EPG5: variants seen among roughly 807,000 people sequenced by gnomAD.
The protein encoded by EPG5 is ectopic P granules protein 5 homolog.
A neutral mutation model predicts 302.7 loss-of-function variants in EPG5; 159 were observed. That is an observed-to-expected ratio of 0.53 (90% confidence interval 0.46 to 0.60). The LOEUF (loss-of-function observed/expected upper bound fraction) is 0.60. Among genes scored for constraint, EPG5 ranks in the 20% least tolerant of loss-of-function variants. The pLI is 0.00. For synonymous variants in EPG5, 1,158 were observed against 1,136.8 expected (o/e 1.02, Z -0.37); for missense variants, 2,896 against 3,092.4 (o/e 0.94, Z 1.51).
intron 16 of EPG5, among the ~76,000 whole-genome samples, chr18:45,920,318 G>C (rs1032526446): frequency 5.9e-5 from 9 of 152,318 alleles, no homozygotes; most frequent in African/African-American, 2.2e-4. Context: ...TGTTCAGAAT[G>C]TACAGGGGCT....
rs574379244 is a variant in EPG5 at position 45,890,982 on chromosome 18, T to A, written c.4810-1042A>T. On this transcript the variant is annotated intron_variant, in intron 27 of 43. Coordinates refer to ENST00000282041, the MANE Select transcript of EPG5 (RefSeq NM_020964.3). ...GACCATAACATTTAGAAGGCAAGAGTTCTAAACTCTACATTCTCCTCCTGT... is the reference window on the plus strand; with the variant it reads ...GACCATAACATTTAGAAGGCAAGAGATCTAAACTCTACATTCTCCTCCTGT... Among the ~76,000 whole-genome samples, 5 of 151,824 alleles carry A rather than the reference T, an allele frequency of 3.3e-5. No individual in the cohort carries two copies. The South Asian group carries it at 1.0e-3, about 32-fold the overall frequency.
In EPG5 at chr18:45,849,775, G is replaced by C. The variant is rs2145127929; in HGVS notation, c.*2692C>G. The C allele has an allele frequency of 6.6e-6, 1 of 152,456 alleles. No homozygotes were observed. Among genetic ancestry groups the C allele is most frequent in the East Asian group, 1.9e-4 (1 of 5,188 alleles). 9.4% of individuals were successfully genotyped at this position (152,456 alleles called of 1,614,324 possible). A position where few individuals can be genotyped will look rare whatever the true frequency, so the allele number is the denominator to read the frequency against. On this transcript the variant is annotated 3_prime_UTR_variant, in exon 44 of 44. Transcript: ENST00000282041. ...AGCCAACAAAGGATGGTGAGACTGA[G>C]AAATGAGTCACGCCTTGGAGCTGAG...
chr18:45,862,744 C>A (rs2048662984), intron 39 of EPG5, among the ~76,000 whole-genome samples: 1 of 152,206 alleles, frequency 6.6e-6, no homozygotes, highest in Non-Finnish European at 1.5e-5. Context: ...TCCTGTACAG[C>A]CTCCAGAACC....
At chr18:45,903,487 T>C (rs576707123) in intron 25 of EPG5, among the ~76,000 whole-genome samples, 1 of 152,204 alleles carries the variant, frequency 6.6e-6, no homozygotes, top group Non-Finnish European at 1.5e-5. Flanking sequence ...ACACTATATA[T>C]TGTAATAAAT....
the EPG5 span, among the ~76,000 whole-genome samples, chr18:45,826,278 G>C: frequency 6.6e-6 from 1 of 152,166 alleles, no homozygotes; most frequent in African/African-American, 2.4e-5. Context: ...AGGAATCCCA[G>C]TGGGTGAGTG....
At chr18:45,935,309 G>A (rs1176091742) in intron 10 of EPG5, among the ~76,000 whole-genome samples, 5 of 152,190 alleles carry the variant, frequency 3.3e-5, no homozygotes, top group South Asian at 4.1e-4. Flanking sequence ...TTAGGAGGCC[G>A]AGGCAGGTGG....
chr18:45,870,544 G>C (rs747994809), intron 36 of EPG5, 23 bp downstream of exon 36: 3 of 1,607,122 alleles, frequency 1.9e-6, no homozygotes, highest in Non-Finnish European at 2.6e-6. Context: ...TCTAGGCTGC[G>C]ATGCCGGGAA....
At position 45,878,359 on chromosome 18, in the gene EPG5, T is replaced by C. The variant is rs1330173167; in HGVS notation, c.5942+17A>G. On this transcript the variant is annotated intron_variant, in intron 34 of 43. Coordinates refer to ENST00000282041, the MANE Select transcript of EPG5 (RefSeq NM_020964.3). ...TACAAACGTCAAAGGAATTTGAATA[T>C]CTAAAAAACTGTTTACCTTTCGTTG... 1.3e-6 allele frequency: 2 copies of C among 1,541,938 alleles called. No individual in the cohort carries two copies. The highest frequency in any genetic ancestry group is 1.8e-6 in the Non-Finnish European group (2 of 1,115,664).
At chr18:45,933,867 T>G (rs748318600) in intron 11 of EPG5, among the ~76,000 whole-genome samples, 3 of 151,372 alleles carry the variant, frequency 2.0e-5, no homozygotes, top group Admixed American at 2.0e-4. Context: ...ATCTTTGGTG[T>G]TTTTTTTTAG....
Position 45,934,925 on chromosome 18 carries a change from G to A in EPG5, c.2141C>T (p.Thr714Ile), listed in dbSNP as rs1193550642. 6.2e-7 allele frequency: 1 copy of A among 1,613,686 alleles called. No individual in the cohort carries two copies. Among genetic ancestry groups the A allele is most frequent in the Non-Finnish European group, 8.5e-7 (1 of 1,179,966 alleles). The change falls in exon 11 of 44, where the codon ACT becomes ATT. Residue 714 changes from threonine (T) to isoleucine (I), a missense_variant. Thr to Ile is a moderately conservative substitution (Grantham distance 89). Transcript: ENST00000282041. ...CTTCCACAGCATTTGCACAGACAGA[G>A]TCCCAAAGGGCATCTCGGACATAAA... ...WLFMSEMPFG[T>I]LSVQMLWKLF...
chr18:45,867,266 G>C (rs1006986702), intron 37 of EPG5, among the ~76,000 whole-genome samples: 2 of 152,160 alleles, frequency 1.3e-5, no homozygotes, highest in African/African-American at 4.8e-5. Flanking sequence ...CCCTGTTCTG[G>C]TGGGACATGC....
At chr18:45,811,871 C>G in the EPG5 span, among the ~76,000 whole-genome samples, 1 of 152,120 alleles carries the variant, frequency 6.6e-6, no homozygotes, top group Admixed American at 6.5e-5. Context: ...CAGGGATGCC[C>G]TCTCTCACCA....
intron 16 of EPG5, among the ~76,000 whole-genome samples, 187 bp from the exon 17 acceptor site, chr18:45,918,006 T>C (rs1414583638): frequency 2.0e-5 from 3 of 152,230 alleles, no homozygotes. Context: ...TAAAAGTTAA[T>C]CTTTATTTTC....
intron 39 of EPG5, among the ~76,000 whole-genome samples, chr18:45,861,491 G>T (rs187121483): frequency 1.3e-5 from 2 of 152,148 alleles, no homozygotes; most frequent in East Asian, 3.9e-4. Context: ...TCACTCTTCC[G>T]ATGAAGATCT....
chr18:45,853,427 G>A (rs1457883392), intron 43 of EPG5, among the ~76,000 whole-genome samples: 1 of 152,168 alleles, frequency 6.6e-6, no homozygotes, highest in African/African-American at 2.4e-5. Context: ...GACTGTATAT[G>A]GAGAAAACAA....
At chr18:45,875,371 A>T (rs555111881) in intron 35 of EPG5, among the ~76,000 whole-genome samples, 73 of 152,346 alleles carry the variant, frequency 4.8e-4, no homozygotes, top group Non-Finnish European at 9.6e-4. Flanking sequence ...CATACATCAT[A>T]AAGTAAGCAT....
rs201213000 is a variant in EPG5 at position 45,860,268 on chromosome 18, A to G, written c.6845T>C (p.Ile2282Thr). Residue 2282 changes from isoleucine (I) to threonine (T), a missense_variant, in exon 40 of 44, where the codon ATT (isoleucine) becomes ACT (threonine). Ile to Thr is a moderately conservative substitution (Grantham distance 89). Around this residue, in one of 5 missense-constraint regions of EPG5, gnomAD observed 620 missense variants for 704.2 expected, o/e 0.88. Transcript: ENST00000282041. Reference sequence around the variant, plus strand: ...GCCCCGAAGGAACTCTGCTGTTGGAATAGTCGCGTTGTTCATCATCATCAG... The same window carrying G: ...GCCCCGAAGGAACTCTGCTGTTGGAGTAGTCGCGTTGTTCATCATCATCAG... Reference protein sequence around the residue: ...EVLMMMNNATIPTAEFLRGSI... With the variant: ...EVLMMMNNATTPTAEFLRGSI... 1.5e-4 allele frequency: 242 copies of G among 1,614,120 alleles called. No individual in the cohort carries two copies. Among genetic ancestry groups the G allele is most frequent in the Non-Finnish European group, 1.6e-4 (187 of 1,180,046 alleles).
chr18:45,918,914 A>G (rs2050090167), intron 16 of EPG5, among the ~76,000 whole-genome samples: 1 of 152,226 alleles, frequency 6.6e-6, no homozygotes, highest in African/African-American at 2.4e-5. Context: ...CTAATTCTGC[A>G]GTTTGGTTAT....
intron 4 of EPG5, among the ~76,000 whole-genome samples, chr18:45,950,115 T>C (rs1279305207): frequency 6.6e-6 from 1 of 152,194 alleles, no homozygotes; most frequent in Non-Finnish European, 1.5e-5. Context: ...AGCATGACAT[T>C]AAATATCACG....
Sources: allele counts gnomAD v4.1 joint callset (sites outside exome capture counted in the v4.1 genomes callset), GRCh38; gene constraint gnomAD v4.1.1; regional missense constraint gnomAD v4.1.1; transcripts MANE v1.5; gene names NCBI Gene and HGNC (gene_info 2026-07-23, HGNC 2026-07-21).